SLC15A2: variants seen among roughly 807,000 people sequenced by gnomAD.
The protein encoded by SLC15A2 is kidney H(+)/peptide cotransporter.
A neutral mutation model predicts 95.5 loss-of-function variants in SLC15A2; 77 were observed. The ratio of observed to expected loss-of-function variants is 0.81; its 90% CI spans 0.67 to 0.97. The LOEUF (loss-of-function observed/expected upper bound fraction) is 0.97, where lower values mean the gene tolerates loss of function less well. Among genes scored for constraint, SLC15A2 ranks in the 50% least tolerant of loss-of-function variants. SLC15A2 has a pLI of 0.00. For synonymous variants in SLC15A2, 306 were observed against 306.9 expected, an observed-to-expected ratio of 1.00 and a Z score of 0.03; for missense variants, 893 against 874.4, an observed-to-expected ratio of 1.02 and a Z score of -0.27.
chr3:121,927,264 G>C (rs1710139936), intron 13 of SLC15A2, among the ~76,000 whole-genome samples: 2 of 152,172 alleles, frequency 1.3e-5, no homozygotes, highest in African/African-American at 4.8e-5. Context: ...GATATGGTTT[G>C]AATATTTGTC....
intron 20 of SLC15A2, among the ~76,000 whole-genome samples, chr3:121,939,845 C>G (rs1488270614): frequency 6.6e-6 from 1 of 152,050 alleles, no homozygotes; most frequent in Non-Finnish European, 1.5e-5. Context: ...GTGGCGCGAT[C>G]TCAGCTCACT....
intron 10 of SLC15A2, 46 bp downstream of exon 10, chr3:121,923,175 C>T (rs1465619419): frequency 1.9e-6 from 3 of 1,613,314 alleles, no homozygotes; most frequent in Non-Finnish European, 2.5e-6. Context: ...CAGCCACTTC[C>T]CTCTCACAGG....
At position 121,915,643 on chromosome 3, in the gene SLC15A2, G is replaced by T; in HGVS notation, c.647G>T (p.Cys216Phe). ...RGDVQCFGED[C>F]YALAFGVPGL... ...GATGTGCAATGTTTTGGAGAAGACT[G>T]CTATGCATTGGCTTTTGGAGTTCCA... Residue 216 changes from cysteine (C) to phenylalanine (F), a missense_variant, in exon 7 of 22, where the codon TGC becomes TTC. Transcript: ENST00000489711. The T allele has an allele frequency of 6.2e-7, 1 of 1,613,988 alleles. No individual in the cohort carries two copies. The highest frequency in any genetic ancestry group is 8.5e-7 in the Non-Finnish European group (1 of 1,179,892).
At position 121,923,213 on chromosome 3, in the gene SLC15A2, T is replaced by C. The variant is rs768980072; in HGVS notation, c.958-9T>C. On this transcript the variant is annotated splice_polypyrimidine_tract_variant and intron_variant, in intron 10 of 21. Coordinates refer to ENST00000489711, the MANE Select transcript of SLC15A2 (RefSeq NM_021082.4). ...AGGGATTTCTCATAACAGGATCTGT[T>C]TGCCCTAGGGTTCACGATGGACTTT... is the stretch of plus-strand genomic sequence containing the variant. 3.1e-6 allele frequency: 5 copies of C among 1,613,874 alleles called. No homozygotes were observed. The Admixed American group carries it at 8.3e-5, about 27-fold the overall frequency.
At chr3:121,929,549 A>C (rs906941549) in intron 17 of SLC15A2, among the ~76,000 whole-genome samples, 3 of 152,112 alleles carry the variant, frequency 2.0e-5, no homozygotes, top group African/African-American at 7.2e-5. Context: ...AGATGACTCT[A>C]TCTGTGTATG....
chr3:121,932,357 A>G (rs1710250383), intron 19 of SLC15A2, among the ~76,000 whole-genome samples: 1 of 152,104 alleles, frequency 6.6e-6, no homozygotes, highest in African/African-American at 2.4e-5. Flanking sequence ...TATGTCTCCA[A>G]TCAAACACAA....
intron 3 of SLC15A2, among the ~76,000 whole-genome samples, chr3:121,908,009 G>A (rs1709690004): frequency 6.6e-6 from 1 of 152,244 alleles, no homozygotes; most frequent in Non-Finnish European, 1.5e-5. Flanking sequence ...GAGGCAGCAG[G>A]CCTTGCAGAG....
chr3:121,911,733 T>C, intron 4 of SLC15A2, 67 bp downstream of exon 4: 1 of 1,077,000 alleles, frequency 9.3e-7, no homozygotes, highest in Non-Finnish European at 1.4e-6. Context: ...ATTTTCTGTT[T>C]TCTTACCAGA....
Position 121,929,157 on chromosome 3 carries a change from G to A in SLC15A2, c.1506+11G>A, listed in dbSNP as rs1384948299. The A allele has an allele frequency of 6.2e-7, 1 of 1,608,270 alleles. No individual in the cohort carries two copies. Among genetic ancestry groups the A allele is most frequent in the Non-Finnish European group, 8.5e-7 (1 of 1,176,136 alleles). Reference sequence around the variant, plus strand: ...ATCTCCAGCATGATGGTAATTTGAGGAATTGCCTGTGTTTTCAGTTGTCAT... The same window carrying A: ...ATCTCCAGCATGATGGTAATTTGAGAAATTGCCTGTGTTTTCAGTTGTCAT... On this transcript the variant is annotated intron_variant, in intron 16 of 21. Coordinates refer to ENST00000489711, the MANE Select transcript of SLC15A2 (RefSeq NM_021082.4).
In SLC15A2 at chr3:121,941,850, T is replaced by C. The variant is rs1014186215; in HGVS notation, c.*843T>C. 6.6e-6 allele frequency: 1 copy of C among 152,230 alleles called. No individual in the cohort carries two copies. Among genetic ancestry groups the C allele is most frequent in the African/African-American group, 2.4e-5 (1 of 41,460 alleles). The allele number at this position is 152,230 out of a possible 1,614,324, so 9.4% of individuals were successfully genotyped here. ...CAGTGAACAGTTGTATAAACAATAA[T>C]TATAATTTGCAACCTTGTCTTGTCA... On this transcript the variant is annotated 3_prime_UTR_variant, in exon 22 of 22. Coordinates refer to ENST00000489711, the MANE Select transcript of SLC15A2 (RefSeq NM_021082.4).
intron 3 of SLC15A2, 83 bp downstream of exon 3, chr3:121,897,612 A>G (rs1709443645): frequency 7.2e-7 from 1 of 1,387,340 alleles, no homozygotes; most frequent in Non-Finnish European, 1.0e-6. Flanking sequence ...GCTTCTGAGT[A>G]AGAACATACC....
chr3:121,922,536 A>G (rs11920547), intron 8 of SLC15A2, among the ~76,000 whole-genome samples: 67,873 of 152,032 alleles, frequency 0.45, 15,687 homozygotes, highest in East Asian at 0.69. Context: ...ATGTAATTAT[A>G]TATAGACAGA....
intron 3 of SLC15A2, among the ~76,000 whole-genome samples, chr3:121,902,468 C>T (rs1456321735): frequency 2.0e-5 from 3 of 152,048 alleles, no homozygotes; most frequent in African/African-American, 7.2e-5. Flanking sequence ...CATGAACTCG[C>T]CATTTACATT....
At chr3:121,929,763 T>C (rs140201080) in intron 17 of SLC15A2, among the ~76,000 whole-genome samples, 9 of 152,312 alleles carry the variant, frequency 5.9e-5, no homozygotes, top group Admixed American at 2.0e-4. Context: ...GGCATCATGG[T>C]ATAGCACACA....
chr3:121,928,869 T>G, intron 15 of SLC15A2, 113 bp from the exon 16 acceptor site: 1 of 1,143,900 alleles, frequency 8.7e-7, no homozygotes, highest in Non-Finnish European at 1.2e-6. Context: ...AAGAAAGGAA[T>G]TACTAGGTTG....
intron 14 of SLC15A2, 198 bp from the exon 15 acceptor site, chr3:121,928,223 T>C (rs1710160071): frequency 6.6e-6 from 4 of 608,266 alleles, no homozygotes; most frequent in South Asian, 4.4e-5. Flanking sequence ...TAAGCTGGCA[T>C]TGGTACTTGC....
At position 121,939,368 on chromosome 3, in the gene SLC15A2, A is replaced by G; in HGVS notation, c.1781A>G (p.Gln594Arg). The G allele has an allele frequency of 3.9e-6, 6 of 1,552,250 alleles. No homozygotes were observed. The South Asian group carries it at 6.2e-5, about 16-fold the overall frequency. Reference protein sequence around the residue: ...VITNNTNQGLQAWKIEDIPAN... With the variant: ...VITNNTNQGLRAWKIEDIPAN... ...CCTAAGAACACCAATCAGGGTCTTC[A>G]GGCCTGGAAGATTGAAGACATTCCA... is the stretch of plus-strand genomic sequence containing the variant. The change falls in exon 20 of 22, where the codon CAG becomes CGG. Residue 594 changes from glutamine (Q) to arginine (R), a missense_variant. Physicochemically the swap from Gln to Arg is conservative, Grantham distance 43. Coordinates refer to ENST00000489711, the MANE Select transcript of SLC15A2 (RefSeq NM_021082.4).
chr3:121,897,371 T>G lies in SLC15A2; in HGVS notation c.194-17T>G. 2 of 1,611,732 alleles carry G rather than the reference T, an allele frequency of 1.2e-6. No homozygotes were observed. The highest frequency in any genetic ancestry group is 2.2e-5 in the South Asian group (2 of 90,394). On this transcript the variant is annotated splice_polypyrimidine_tract_variant and intron_variant, in intron 2 of 21. Coordinates refer to ENST00000489711, the MANE Select transcript of SLC15A2 (RefSeq NM_021082.4). Reference sequence around the variant, plus strand: ...CTTGTTTTGTCTCCCCACGCCTCCTTTTTTTTCCCACTACAGCTGTGCTGA... The same window carrying G: ...CTTGTTTTGTCTCCCCACGCCTCCTGTTTTTTCCCACTACAGCTGTGCTGA...
rs1710470508 is a variant in SLC15A2 at position 121,941,900 on chromosome 3, A to G, written c.*893A>G. 1 of 152,174 alleles carries G rather than the reference A, an allele frequency of 6.6e-6. No homozygotes were observed. Among genetic ancestry groups the G allele is most frequent in the African/African-American group, 2.4e-5 (1 of 41,428 alleles). 9.4% of individuals were successfully genotyped at this position (152,174 alleles called of 1,614,324 possible). A position where few individuals can be genotyped will look rare whatever the true frequency, so the allele number is the denominator to read the frequency against. On this transcript the variant is annotated 3_prime_UTR_variant, in exon 22 of 22. Coordinates refer to ENST00000489711, the MANE Select transcript of SLC15A2 (RefSeq NM_021082.4). ...AACCTTGCTGATCCAGCTTTTTCTT[A>G]TTATTACACCTTGTCTTGCTTATTG... is the stretch of plus-strand genomic sequence containing the variant.
Sources: gnomAD v4.1 joint callset for allele counts (sites outside exome capture counted in the v4.1 genomes callset) on GRCh38, gnomAD v4.1.1 for gene constraint, MANE v1.5 for transcripts, NCBI Gene and HGNC (gene_info 2026-07-23, HGNC 2026-07-21) for gene names.